Variants in SYNE3 observed in about 807,000 individuals in gnomAD.
The protein encoded by SYNE3 is spectrin repeat containing nuclear envelope family member 3.
In SYNE3, 100 loss-of-function variants were observed where a neutral mutation model predicts 111.2. The ratio of observed to expected loss-of-function variants is 0.90; its 90% CI spans 0.77 to 1.06. The LOEUF (loss-of-function observed/expected upper bound fraction) is 1.06. Ranked by LOEUF, SYNE3 falls within the 50% of genes least tolerant of loss-of-function variation. The probability of loss-of-function intolerance (pLI) is 0.00; values close to 1 mark genes in which losing one functional copy is unlikely to be tolerated. For synonymous variants in SYNE3, 547 were observed against 533.9 expected (o/e 1.02, Z -0.34); for missense variants, 1,160 against 1,240.3 (o/e 0.94, Z 0.97).
intron 1 of SYNE3, among the ~76,000 whole-genome samples, chr14:95,479,161 G>A (rs1299289340): frequency 6.8e-6 from 1 of 146,150 alleles, no homozygotes; most frequent in African/African-American, 2.5e-5. Flanking sequence ...TTGGGAGGCT[G>A]ATACGGGAGG....
chr14:95,414,731 A>ACACG lies in SYNE3; in HGVS notation c.*3094_*3095insCGTG, dbSNP rs1344635190. On this transcript the variant is annotated 3_prime_UTR_variant, in exon 18 of 18. Coordinates refer to ENST00000682763, the MANE Select transcript of SYNE3 (RefSeq NM_152592.6). ...CACACACACACACACACACACACAC[A>ACACG]CGCCACAGCGCCACCTTTCTCAAGT... is the stretch of plus-strand genomic sequence containing the variant. 7.3e-6 allele frequency: 1 copy of ACACG among 136,654 alleles called. No individual in the cohort carries two copies. Among genetic ancestry groups the ACACG allele is most frequent in the East Asian group, 2.2e-4 (1 of 4,638 alleles). 8.5% of individuals were successfully genotyped at this position (136,654 alleles called of 1,614,324 possible). A position where few individuals can be genotyped will look rare whatever the true frequency, so the allele number is the denominator to read the frequency against.
Position 95,516,627 on chromosome 14 carries a change from G to T in SYNE3, c.-46C>A, listed in dbSNP as rs1320058446. 6.6e-6 allele frequency among the ~76,000 whole-genome samples: 1 copy of T among 151,230 alleles called. No homozygotes were observed. The highest frequency in any genetic ancestry group is 1.5e-5 in the Non-Finnish European group (1 of 67,686). On this transcript the variant is annotated 5_prime_UTR_variant, in exon 1 of 18. Transcript: ENST00000682763. ...GGAGCGTGGAGGAGCGCGGCGCCGCGGGTAGCTGGGGCCGAGCCTCCTTCC... is the reference window on the plus strand; with the variant it reads ...GGAGCGTGGAGGAGCGCGGCGCCGCTGGTAGCTGGGGCCGAGCCTCCTTCC...
chr14:95,432,761 G>A (rs1475566298), intron 16 of SYNE3, among the ~76,000 whole-genome samples: 2 of 151,910 alleles, frequency 1.3e-5, no homozygotes, highest in South Asian at 4.1e-4. Flanking sequence ...ACATGGGGCT[G>A]GACCCCAGGG....
At chr14:95,496,783 A>C (rs4999525) in intron 1 of SYNE3, among the ~76,000 whole-genome samples, 1 of 152,016 alleles carries the variant, frequency 6.6e-6, no homozygotes, top group Non-Finnish European at 1.5e-5. Context: ...TATTGCATTT[A>C]TGTTTTCTCC....
intron 7 of SYNE3, 29 bp downstream of exon 7, chr14:95,452,218 G>A (rs1253019500): frequency 3.2e-6 from 5 of 1,561,874 alleles, no homozygotes; most frequent in South Asian, 2.4e-5. Context: ...CACACCCTGA[G>A]TCCCACCACC....
chr14:95,460,907 G>C (rs1427819465), intron 4 of SYNE3, among the ~76,000 whole-genome samples: 1 of 152,242 alleles, frequency 6.6e-6, no homozygotes, highest in Non-Finnish European at 1.5e-5. Context: ...GGCTGCTAGT[G>C]TGTGAAGGAT....
At chr14:95,419,714 G>T in intron 17 of SYNE3, among the ~76,000 whole-genome samples, 1 of 147,562 alleles carries the variant, frequency 6.8e-6, no homozygotes, top group Non-Finnish European at 1.5e-5. Context: ...ATGGTGGTGG[G>T]GTGGGGGTGG....
Position 95,475,726 on chromosome 14 carries a change from G to T in SYNE3, c.96C>A (p.Asn32Lys). The change falls in exon 2 of 18, where the codon AAC becomes AAA. Residue 32 changes from asparagine (N) to lysine (K), a missense_variant. Transcript: ENST00000682763. ...AVQDQLQVND[N>K]TQGPRAALEA... The stretch of plus-strand genomic sequence containing the variant: ...CCAGGGCCGCGCGGGGTCCCTGCGT[G>T]TTGTCATTGACCTGCAGCTGGTCCT... 1 of 1,606,086 alleles carries T rather than the reference G, an allele frequency of 6.2e-7. No individual in the cohort carries two copies.
At chr14:95,451,965 C>A (rs1446635567) in intron 7 of SYNE3, 1 of 253,630 alleles carries the variant, frequency 3.9e-6, no homozygotes, top group East Asian at 7.6e-5. Flanking sequence ...CATCACCCCT[C>A]CCCAATGCTA....
chr14:95,482,591 C>A (rs149123670), intron 1 of SYNE3, among the ~76,000 whole-genome samples: 1 of 152,096 alleles, frequency 6.6e-6, no homozygotes, highest in Non-Finnish European at 1.5e-5. Flanking sequence ...GCAAAGAAAG[C>A]GGCAACGTCA....
rs763245795 is a variant in SYNE3, at chr14:95,452,277, C to A, written c.1244G>T (p.Ser415Ile). ...FPHNLKPLSDSVIATIQEYQS... is the reference protein window; with the variant it reads ...FPHNLKPLSDIVIATIQEYQS... ...ATACTCCTGGATGGTAGCGATGACA[C>A]TATCAGAGAGTGGCTTCAGGTTGTG... The change falls in exon 7 of 18, where the codon AGT becomes ATT. Residue 415 changes from serine to isoleucine, a missense_variant. Physicochemically the swap from Ser to Ile is moderately radical, Grantham distance 142 (BLOSUM62 -2). Transcript: ENST00000682763. 1 of 1,613,488 alleles carries A rather than the reference C, an allele frequency of 6.2e-7. No homozygotes were observed. The highest frequency in any genetic ancestry group is 8.5e-7 in the Non-Finnish European group (1 of 1,179,658).
chr14:95,485,792 A>G lies in SYNE3; in HGVS notation c.-14-9957T>C, dbSNP rs542818170. Among the ~76,000 whole-genome samples, 1 of 152,262 alleles carries G rather than the reference A, an allele frequency of 6.6e-6. No homozygotes were observed. The highest frequency in any genetic ancestry group is 1.5e-5 in the Non-Finnish European group (1 of 68,012). On this transcript the variant is annotated intron_variant, in intron 1 of 17. Coordinates refer to ENST00000682763, the MANE Select transcript of SYNE3 (RefSeq NM_152592.6). This position sits in a 1 kb window ranked among gnomAD's most constrained non-coding sequence, Gnocchi z 4.3. ...TCCATCTCAGCCTGGATCCCACTGG[A>G]CTATAAATATCTGTCCCCTCATCTC...
chr14:95,482,222 T>C (rs983050103), intron 1 of SYNE3, among the ~76,000 whole-genome samples: 4 of 152,114 alleles, frequency 2.6e-5, no homozygotes, highest in African/African-American at 9.7e-5. Flanking sequence ...TCACCTGAGG[T>C]CAGGAGTTTG....
In SYNE3 at chr14:95,467,889, A is replaced by G; in HGVS notation, c.223T>C (p.Cys75Arg). ...LRMAEALLAC[C>R]PGDQKPGILA... ...ATCCCGGGCTTCTGGTCCCCAGGGC[A>G]GCATGCCAAGAGGGCTTCAGCCATC... Residue 75 changes from cysteine to arginine, a missense_variant, in exon 3 of 18, where the codon TGC (cysteine) becomes CGC (arginine). By Grantham distance (180) the Cys-to-Arg change is radical (BLOSUM62 -3). Coordinates refer to ENST00000682763, the MANE Select transcript of SYNE3 (RefSeq NM_152592.6). The G allele has an allele frequency of 6.2e-7, 1 of 1,614,224 alleles. No homozygotes were observed. The highest frequency in any genetic ancestry group is 1.1e-5 in the South Asian group (1 of 91,090).
chr14:95,424,556 C>A (rs1302211893), intron 17 of SYNE3, among the ~76,000 whole-genome samples: 1 of 152,194 alleles, frequency 6.6e-6, no homozygotes, highest in Non-Finnish European at 1.5e-5. Flanking sequence ...TCTCTAAGGG[C>A]GGCCATTCTT....
intron 1 of SYNE3, among the ~76,000 whole-genome samples, chr14:95,496,367 T>A (rs1890092394): frequency 6.6e-6 from 1 of 152,174 alleles, no homozygotes; most frequent in African/African-American, 2.4e-5. Flanking sequence ...CCCTGATCCC[T>A]CCACTCCAGT....
rs142122637 is a variant in SYNE3 at position 95,449,502 on chromosome 14, C to T, written c.1449+429G>A. On this transcript the variant is annotated intron_variant, in intron 8 of 17. Coordinates refer to ENST00000682763, the MANE Select transcript of SYNE3 (RefSeq NM_152592.6). ...CCATGAGGCGAGACCTGGCTTAGAACTACAAAGGGCTTGGTCCTGGTGACA... is the reference window on the plus strand; with the variant it reads ...CCATGAGGCGAGACCTGGCTTAGAATTACAAAGGGCTTGGTCCTGGTGACA... 2.4e-3 allele frequency: 2,398 copies of T among 985,488 alleles called. 3 individuals carry two copies. The highest frequency in any genetic ancestry group is 2.6e-3 in the Non-Finnish European group (2,129 of 829,934). The allele number at this position is 985,488 out of a possible 1,614,324, so 61.0% of individuals were successfully genotyped here.
chr14:95,452,276 A>G lies in SYNE3; in HGVS notation c.1245T>C (p.Ser415=). 4 of 1,613,332 alleles carry G rather than the reference A, an allele frequency of 2.5e-6. No homozygotes were observed. The highest frequency in any genetic ancestry group is 3.4e-6 in the Non-Finnish European group (4 of 1,179,558). Reference sequence around the variant, plus strand: ...GATACTCCTGGATGGTAGCGATGACACTATCAGAGAGTGGCTTCAGGTTGT... The same window carrying G: ...GATACTCCTGGATGGTAGCGATGACGCTATCAGAGAGTGGCTTCAGGTTGT... ...FPHNLKPLSD[S]VIATIQEYQS... is the part of the protein sequence containing the mutation. The change falls in exon 7 of 18, where the codon AGT becomes AGC. Residue 415 remains serine (S), a synonymous_variant. Transcript: ENST00000682763.
chr14:95,471,117 G>A (rs945661020), intron 2 of SYNE3, among the ~76,000 whole-genome samples: 2 of 152,182 alleles, frequency 1.3e-5, no homozygotes, highest in Admixed American at 1.3e-4. Context: ...GAAACCACCA[G>A]CCTTGAGGAA....
Sources: allele counts gnomAD v4.1 joint callset (sites outside exome capture counted in the v4.1 genomes callset), GRCh38; gene constraint gnomAD v4.1.1; non-coding constraint Gnocchi (gnomAD v3.1); transcripts MANE v1.5; gene names NCBI Gene and HGNC (gene_info 2026-07-23, HGNC 2026-07-21).